CACNA1B: variants seen among roughly 807,000 people sequenced by gnomAD.
CACNA1B encodes the protein voltage-dependent N-type calcium channel subunit alpha-1B.
In CACNA1B, 70 loss-of-function variants were observed where a neutral mutation model predicts 247.2. The ratio of observed to expected loss-of-function variants is 0.28; its 90% confidence interval spans 0.23 to 0.35. The LOEUF (loss-of-function observed/expected upper bound fraction) is 0.35, where lower values mean the gene tolerates loss of function less well. CACNA1B is among the 10% of genes least tolerant of loss of function. The pLI is 1.00. For synonymous variants in CACNA1B, 1,231 were observed against 1,294.4 expected (o/e 0.95, Z 1.05); for missense variants, 2,367 against 3,197.4 (o/e 0.74, Z 6.26).
At position 137,989,190 on chromosome 9, in the gene CACNA1B, A is replaced by T. The variant is rs535949774; in HGVS notation, c.1974+2336A>T. 2.0e-5 allele frequency among the ~76,000 whole-genome samples: 3 copies of T among 152,358 alleles called. No homozygotes were observed. The East Asian group carries it at 5.8e-4, about 29-fold the overall frequency. On this transcript the variant is annotated intron_variant, in intron 15 of 46. Transcript: ENST00000371372. ...GGGGTAAAGGGGGAACCAGTTAAAA[A>T]CACAAAATTATGAAAAAAGGCACCT...
chr9:137,988,544 G>A (rs1175491344), intron 15 of CACNA1B, among the ~76,000 whole-genome samples: 3 of 152,136 alleles, frequency 2.0e-5, no homozygotes, highest in Non-Finnish European at 4.4e-5. Context: ...GACATTACAT[G>A]CCCCCTGCTC....
intron 3 of CACNA1B, among the ~76,000 whole-genome samples, chr9:137,900,180 GC>G (rs1957216583): frequency 6.6e-6 from 1 of 152,116 alleles, no homozygotes. Flanking sequence ...AAGGCAGGGT[GC>G]CCCCCTGGCC....
chr9:137,953,164 G>C (rs778385070), intron 7 of CACNA1B, among the ~76,000 whole-genome samples: 2 of 152,202 alleles, frequency 1.3e-5, no homozygotes, highest in Non-Finnish European at 2.9e-5. Flanking sequence ...GAGATGCCAT[G>C]TATGGGGCCT....
rs2133505756 is a variant in CACNA1B, at chr9:138,058,898, G to A, written c.4473+165G>A. Among the ~76,000 whole-genome samples, 1 of 152,278 alleles carries A rather than the reference G, an allele frequency of 6.6e-6. No homozygotes were observed. The highest frequency in any genetic ancestry group is 2.4e-5 in the African/African-American group (1 of 41,562). ...TGCCTGTGGAATCCTGTTTCCCTTT[G>A]TTGTCTGTGGGCTGGGACAGTGGGG... On this transcript the variant is annotated intron_variant, in intron 29 of 46. Transcript: ENST00000371372. The surrounding 1 kb of genome is among the most constrained non-coding windows in gnomAD (Gnocchi z 4.7).
rs1049634882 is a variant in CACNA1B, at chr9:137,899,860, T to G, written c.531-13320T>G. Among the ~76,000 whole-genome samples, 6 of 152,126 alleles carry G rather than the reference T, an allele frequency of 3.9e-5. No homozygotes were observed. The highest frequency in any genetic ancestry group is 6.5e-5 in the Admixed American group (1 of 15,274). On this transcript the variant is annotated intron_variant, in intron 3 of 46. Coordinates refer to ENST00000371372, the MANE Select transcript of CACNA1B (RefSeq NM_000718.4). This position sits in a 1 kb window ranked among gnomAD's most constrained non-coding sequence, Gnocchi z 5.0. ...GGGACCCCCGCACCTGTGCAGGATT[T>G]GTGGTCTCCCCTGGCTCAGCGCAGA...
At chr9:138,109,081 G>A (rs964094151) in intron 39 of CACNA1B, among the ~76,000 whole-genome samples, 7 of 152,180 alleles carry the variant, frequency 4.6e-5, no homozygotes, top group African/African-American at 1.7e-4. Context: ...TATCTCAATA[G>A]GTATAGAAAA....
At chr9:137,968,861 C>T (rs1958112822) in intron 10 of CACNA1B, among the ~76,000 whole-genome samples, 1 of 152,208 alleles carries the variant, frequency 6.6e-6, no homozygotes, top group African/African-American at 2.4e-5. Context: ...TATGGAATTT[C>T]TCCCTAGCTT....
At chr9:138,042,463 AC>A (rs1959136595) in intron 20 of CACNA1B, among the ~76,000 whole-genome samples, 1 of 152,160 alleles carries the variant, frequency 6.6e-6, no homozygotes. Flanking sequence ...TTAAACAAAA[AC>A]AAAAAAAAAA....
chr9:137,903,463 G>A (rs1957262938), intron 3 of CACNA1B, among the ~76,000 whole-genome samples: 1 of 152,160 alleles, frequency 6.6e-6, no homozygotes, highest in Non-Finnish European at 1.5e-5. Flanking sequence ...GTCTCTCTCT[G>A]TCCGTGCCTG....
intron 6 of CACNA1B, among the ~76,000 whole-genome samples, chr9:137,925,032 G>C (rs986568742): frequency 1.3e-5 from 2 of 152,218 alleles, no homozygotes; most frequent in Non-Finnish European, 2.9e-5. Context: ...TGTCCGACCC[G>C]TGTCTGGTTT....
At chr9:138,044,000 A>T in intron 21 of CACNA1B, 100 bp downstream of exon 21, 31 of 1,411,266 alleles carry the variant, frequency 2.2e-5, no homozygotes, top group Non-Finnish European at 2.7e-5. Flanking sequence ...CTGCGCACTT[A>T]TGTAGAGAAA....
At chr9:138,120,057 G>A (rs981792485) in intron 44 of CACNA1B, 108 bp from the exon 45 acceptor site, 1 of 907,952 alleles carries the variant, frequency 1.1e-6, no homozygotes, top group Non-Finnish European at 1.7e-6. Context: ...ACCAGGATGG[G>A]GGGCGTGTGG....
rs562803774 is a variant in CACNA1B at position 137,993,292 on chromosome 9, TTTTTA to T, written c.1974+6445_1974+6449del. On this transcript the variant is annotated intron_variant, in intron 15 of 46. Coordinates refer to ENST00000371372, the MANE Select transcript of CACNA1B (RefSeq NM_000718.4). ...AAAAGATAAATTTTTTTAGTTAAAATTTTTATTTTATCTATCTAGATAGATAAAAT... is the reference window on the plus strand; with the variant it reads ...AAAAGATAAATTTTTTTAGTTAAAATTTTTATCTATCTAGATAGATAAAAT... 1.2e-3 allele frequency among the ~76,000 whole-genome samples: 176 copies of T among 152,196 alleles called. 2 individuals carry two copies. The highest frequency in any genetic ancestry group is 4.0e-3 in the African/African-American group (165 of 41,566).
Position 138,050,039 on chromosome 9 carries a change from C to T in CACNA1B, c.3710+724C>T. 1 of 1,288,408 alleles carries T rather than the reference C, an allele frequency of 7.8e-7. No individual in the cohort carries two copies. Among genetic ancestry groups the T allele is most frequent in the Non-Finnish European group, 1.0e-6 (1 of 987,572 alleles). 79.8% of individuals were successfully genotyped at this position (1,288,408 alleles called of 1,614,324 possible). ...AGGGCTGCTCCTGGTGCCACTGACT[C>T]TGTTCTCTTTGTCTTCCTCTTGCTG... is the stretch of plus-strand genomic sequence containing the variant. On this transcript the variant is annotated intron_variant, in intron 24 of 46. Transcript: ENST00000371372. This position sits in a 1 kb window ranked among gnomAD's most constrained non-coding sequence, Gnocchi z 5.2.
intron 6 of CACNA1B, among the ~76,000 whole-genome samples, chr9:137,933,598 A>G (rs1005032762): frequency 5.3e-5 from 8 of 152,198 alleles, no homozygotes; most frequent in Admixed American, 4.6e-4. Context: ...ATTAGTTTGA[A>G]GAGAGTTCCT....
Position 137,891,773 on chromosome 9 carries a change from C to T in CACNA1B, c.530+8890C>T, listed in dbSNP as rs143540757. On this transcript the variant is annotated intron_variant, in intron 3 of 46. Coordinates refer to ENST00000371372, the MANE Select transcript of CACNA1B (RefSeq NM_000718.4). The surrounding 1 kb of genome is among the most constrained non-coding windows in gnomAD (Gnocchi z 4.3). ...GTAGAGTGGAGGGGCCTCCACCCTG[C>T]GTGCCTGTGTGCAGCCCCACACGTG... 85 of 336,264 alleles carry T rather than the reference C, an allele frequency of 2.5e-4. No individual in the cohort carries two copies. In the East Asian group the frequency reaches 6.2e-3, roughly 25 times the overall value. The allele number at this position is 336,264 out of a possible 1,614,324, so 20.8% of individuals were successfully genotyped here.
At position 137,914,077 on chromosome 9, in the gene CACNA1B, C is replaced by A. The variant is rs949744417; in HGVS notation, c.623-577C>A. Among the ~76,000 whole-genome samples the A allele has an allele frequency of 1.3e-5, 2 of 152,134 alleles. No homozygotes were observed. Among genetic ancestry groups the A allele is most frequent in the East Asian group, 3.9e-4 (2 of 5,190 alleles). On this transcript the variant is annotated intron_variant, in intron 4 of 46. Transcript: ENST00000371372. The surrounding 1 kb of genome is among the most constrained non-coding windows in gnomAD (Gnocchi z 4.3). Reference sequence around the variant, plus strand: ...GCAGGTCTTTTTTGCCTCACTTTCTCCCAAGGAGTTGGGTCTGTTAGGAAT... The same window carrying A: ...GCAGGTCTTTTTTGCCTCACTTTCTACCAAGGAGTTGGGTCTGTTAGGAAT...
rs57138546 is a variant in CACNA1B, at chr9:138,087,713, C to CAAAAAAAAA, written c.5095-8753_5095-8745dup. ...CTGGTGACAGAGTGAGACTCCGTCT[C>CAAAAAAAAA]AAAAAAAAAAAAAAAAAAAAAAAAA... On this transcript the variant is annotated intron_variant, in intron 36 of 46. Transcript: ENST00000371372. Among the ~76,000 whole-genome samples, 14 of 35,458 alleles carry CAAAAAAAAA rather than the reference C, an allele frequency of 3.9e-4. No individual in the cohort carries two copies. In the East Asian group the frequency reaches 5.9e-3, roughly 15 times the overall value. The allele number at this position is 35,458 out of a possible 152,430, so 23.3% of individuals were successfully genotyped here.
chr9:137,932,185 T>C (rs1957615717), intron 6 of CACNA1B, among the ~76,000 whole-genome samples: 1 of 152,192 alleles, frequency 6.6e-6, no homozygotes, highest in Non-Finnish European at 1.5e-5. Flanking sequence ...ATAAAATCTC[T>C]GGACAAGTTA....
Sources: allele counts gnomAD v4.1 joint callset (sites outside exome capture counted in the v4.1 genomes callset), GRCh38; gene constraint gnomAD v4.1.1; non-coding constraint Gnocchi (gnomAD v3.1); transcripts MANE v1.5; gene names NCBI Gene and HGNC (gene_info 2026-07-23, HGNC 2026-07-21).